The following TOP6BL variants were observed in gnomAD, a reference collection of about 807,000 sequenced individuals.
TOP6BL encodes TOP6B like initiator of meiotic double strand breaks, also known as type 2 DNA topoisomerase 6 subunit B-like.
the TOP6BL span, among the ~76,000 whole-genome samples, chr11:66,780,944 G>GA: frequency 1.3e-5 from 2 of 152,148 alleles, no homozygotes; most frequent in African/African-American, 4.8e-5. Flanking sequence ...CTGTGTATAT[G>GA]ATGTGTGCTT....
At chr11:66,787,576 G>A in the TOP6BL span, among the ~76,000 whole-genome samples, 2 of 150,286 alleles carry the variant, frequency 1.3e-5, no homozygotes, top group South Asian at 2.1e-4. Context: ...AAAGCCTAGC[G>A]GGGCATGGTG....
the TOP6BL span, among the ~76,000 whole-genome samples, chr11:66,818,783 A>C: frequency 6.6e-6 from 1 of 152,182 alleles, no homozygotes; most frequent in African/African-American, 2.4e-5. Context: ...TCCTTGGATA[A>C]TGCAAGCCTG....
At chr11:66,791,894 T>C in the TOP6BL span, among the ~76,000 whole-genome samples, 1 of 151,638 alleles carries the variant, frequency 6.6e-6, no homozygotes, top group Non-Finnish European at 1.5e-5. Context: ...CTCAGCTCAC[T>C]GCAAGCTCCG....
the TOP6BL span, among the ~76,000 whole-genome samples, chr11:66,784,961 T>C: frequency 7.1e-5 from 10 of 141,602 alleles, no homozygotes; most frequent in Admixed American, 7.1e-4. Context: ...GATTTCTTTT[T>C]TTTTTTTTTT....
the TOP6BL span, among the ~76,000 whole-genome samples, chr11:66,806,059 G>T: frequency 2.0e-5 from 3 of 152,198 alleles, no homozygotes; most frequent in Admixed American, 2.0e-4. Context: ...ATAGTAAGGA[G>T]CTATATAGGA....
At chr11:66,793,684 G>C in the TOP6BL span, among the ~76,000 whole-genome samples, 1 of 151,952 alleles carries the variant, frequency 6.6e-6, no homozygotes, top group African/African-American at 2.4e-5. Context: ...GACCTCAGGT[G>C]ATCCACCCGC....
the TOP6BL span, among the ~76,000 whole-genome samples, chr11:66,751,395 A>G: frequency 6.6e-6 from 1 of 151,764 alleles, no homozygotes; most frequent in Non-Finnish European, 1.5e-5. Context: ...AGGTTTCACT[A>G]CGTTGGCCAG....
the TOP6BL span, among the ~76,000 whole-genome samples, chr11:66,824,711 C>T: frequency 2.0e-5 from 3 of 148,174 alleles, no homozygotes; most frequent in Non-Finnish European, 4.4e-5. Flanking sequence ...GTTTTTTGTC[C>T]TTGCGATAGT....
chr11:66,769,111 T>A, the TOP6BL span, among the ~76,000 whole-genome samples: 2 of 152,096 alleles, frequency 1.3e-5, no homozygotes. Context: ...CTCCCTATAG[T>A]GGTATAGTGG....
chr11:66,825,410 G>T, the TOP6BL span, among the ~76,000 whole-genome samples: 55 of 151,376 alleles, frequency 3.6e-4, no homozygotes, highest in African/African-American at 1.3e-3. Flanking sequence ...AGAATCACTT[G>T]AACCTGGGAG....
chr11:66,781,146 A>G, the TOP6BL span, among the ~76,000 whole-genome samples: 1 of 151,846 alleles, frequency 6.6e-6, no homozygotes, highest in Non-Finnish European at 1.5e-5. Flanking sequence ...TCCTATTCTC[A>G]TTTTATTCTC....
chr11:66,796,328 G>A, the TOP6BL span: 2 of 1,611,006 alleles, frequency 1.2e-6, no homozygotes, highest in South Asian at 1.1e-5. Flanking sequence ...TGGTTATAAA[G>A]CATTTTTTAC....
the TOP6BL span, among the ~76,000 whole-genome samples, chr11:66,817,961 C>T: frequency 6.6e-6 from 1 of 152,156 alleles, no homozygotes; most frequent in African/African-American, 2.4e-5. Context: ...TCTCAATGCC[C>T]TCCTAATCTT....
the TOP6BL span, among the ~76,000 whole-genome samples, chr11:66,806,065 T>C: frequency 2.0e-5 from 3 of 152,200 alleles, no homozygotes; most frequent in African/African-American, 7.2e-5. Context: ...AGGAGCTATA[T>C]AGGAATTTGG....
chr11:66,755,386 G>T, the TOP6BL span, among the ~76,000 whole-genome samples: 1 of 152,170 alleles, frequency 6.6e-6, no homozygotes, highest in Non-Finnish European at 1.5e-5. Flanking sequence ...CTCCCAAAGT[G>T]CTGGGATTAC....
the TOP6BL span, among the ~76,000 whole-genome samples, chr11:66,800,873 A>T: frequency 6.6e-6 from 1 of 152,268 alleles, no homozygotes; most frequent in East Asian, 1.9e-4. Flanking sequence ...CTGTCTCTAG[A>T]GGGGGTAAAC....
the TOP6BL span, among the ~76,000 whole-genome samples, chr11:66,820,591 C>T: frequency 1.3e-5 from 2 of 152,222 alleles, no homozygotes; most frequent in African/African-American, 2.4e-5. Flanking sequence ...AAAAGGACCT[C>T]ATACCAACAG....
At chr11:66,799,207 C>CAA in the TOP6BL span, among the ~76,000 whole-genome samples, 2 of 41,850 alleles carry the variant, frequency 4.8e-5, no homozygotes, top group Admixed American at 2.7e-4. Context: ...ACTCTGTCTC[C>CAA]AAAAAAAAAA....
At chr11:66,777,872 C>G in the TOP6BL span, among the ~76,000 whole-genome samples, 5 of 152,084 alleles carry the variant, frequency 3.3e-5, no homozygotes, top group Non-Finnish European at 2.9e-5. Context: ...ACTCCATCCC[C>G]CCAAAAAAAG....
Sources: allele counts gnomAD v4.1 joint callset (sites outside exome capture counted in the v4.1 genomes callset), GRCh38; gene constraint gnomAD v4.1.1; transcripts MANE v1.5; gene names NCBI Gene and HGNC (gene_info 2026-07-23, HGNC 2026-07-21).